SHISA9: variants seen among roughly 807,000 people sequenced by gnomAD.
SHISA9 encodes the protein protein shisa-9.
SHISA9 carries 13 observed loss-of-function variants against 38.0 expected under a neutral mutation model. That is an observed-to-expected ratio of 0.34 (90% CI 0.22 to 0.54). SHISA9 has a LOEUF of 0.54. SHISA9 is among the 20% of genes least tolerant of loss of function. SHISA9 has a pLI of 0.91. For synonymous variants in SHISA9, 275 were observed against 242.0 expected (o/e 1.14, Z -1.27); for missense variants, 538 against 575.8 (o/e 0.93, Z 0.67).
At chr16:13,154,295 A>T (rs1426437254) in intron 2 of SHISA9, among the ~76,000 whole-genome samples, 2 of 152,176 alleles carry the variant, frequency 1.3e-5, no homozygotes, top group Non-Finnish European at 2.9e-5. Flanking sequence ...TCCCAAGCAC[A>T]AGAGAATTTC....
chr16:13,393,350 A>G, the SHISA9 span, among the ~76,000 whole-genome samples: 3 of 152,052 alleles, frequency 2.0e-5, no homozygotes, highest in African/African-American at 4.8e-5. Context: ...GGGCCCCCCA[A>G]AATTGTGTGG....
chr16:13,327,310 A>G, the SHISA9 span, among the ~76,000 whole-genome samples: 1 of 152,070 alleles, frequency 6.6e-6, no homozygotes, highest in East Asian at 1.9e-4. Flanking sequence ...TAGTTAGTAG[A>G]TTAGCAAGCT....
intron 2 of SHISA9, among the ~76,000 whole-genome samples, chr16:12,922,053 C>T (rs1191853561): frequency 1.3e-5 from 2 of 152,198 alleles, no homozygotes; most frequent in East Asian, 3.8e-4. Flanking sequence ...GGGATTTGAA[C>T]TGAGCCAGTC....
chr16:13,469,864 T>C, the SHISA9 span, among the ~76,000 whole-genome samples: 101 of 152,238 alleles, frequency 6.6e-4, 1 homozygote, highest in South Asian at 2.3e-3. Flanking sequence ...GGTGGGAAGT[T>C]TGCTCTTTTC....
chr16:13,443,638 G>GT, the SHISA9 span, among the ~76,000 whole-genome samples: 1 of 152,068 alleles, frequency 6.6e-6, no homozygotes, highest in African/African-American at 2.4e-5. Flanking sequence ...AAGCCCCTAT[G>GT]TTTTTATTTA....
the SHISA9 span, among the ~76,000 whole-genome samples, chr16:13,364,472 A>C: frequency 3.3e-5 from 5 of 152,262 alleles, no homozygotes; most frequent in East Asian, 7.7e-4. Context: ...CTTTCAATGA[A>C]TATGCAAGAT....
chr16:13,056,850 G>A (rs1173629857), intron 2 of SHISA9, among the ~76,000 whole-genome samples: 3 of 152,190 alleles, frequency 2.0e-5, no homozygotes, highest in Non-Finnish European at 2.9e-5. Flanking sequence ...GCCACGAAGC[G>A]TTCATTCTCA....
intron 2 of SHISA9, among the ~76,000 whole-genome samples, chr16:13,179,769 G>C (rs981122107): frequency 5.9e-5 from 9 of 152,240 alleles, no homozygotes; most frequent in African/African-American, 2.2e-4. Context: ...TAAAGGATGA[G>C]ATGGGGCCAT....
chr16:13,008,336 G>A (rs2067655339), intron 2 of SHISA9, among the ~76,000 whole-genome samples: 1 of 152,030 alleles, frequency 6.6e-6, no homozygotes, highest in Non-Finnish European at 1.5e-5. Flanking sequence ...GGGCTTCCTG[G>A]GATCATCTCC....
chr16:13,173,386 AC>A (rs2050704913), intron 2 of SHISA9, among the ~76,000 whole-genome samples: 1 of 149,234 alleles, frequency 6.7e-6, no homozygotes, highest in Admixed American at 6.6e-5. Context: ...GTACACACAC[AC>A]ACACACACAC....
chr16:13,348,902 C>G, the SHISA9 span, among the ~76,000 whole-genome samples: 1 of 152,090 alleles, frequency 6.6e-6, no homozygotes, highest in Non-Finnish European at 1.5e-5. Flanking sequence ...TCTCTTTGCA[C>G]TCTCCATTTG....
chr16:13,222,157 C>T (rs1191048750), intron 4 of SHISA9, among the ~76,000 whole-genome samples: 1 of 152,134 alleles, frequency 6.6e-6, no homozygotes, highest in Non-Finnish European at 1.5e-5. Flanking sequence ...AGGAAAAACC[C>T]ACCCCCATGA....
chr16:13,010,805 A>G (rs2072663489), intron 2 of SHISA9, among the ~76,000 whole-genome samples: 1 of 152,132 alleles, frequency 6.6e-6, no homozygotes, highest in Non-Finnish European at 1.5e-5. Flanking sequence ...TACAAAAATC[A>G]GCCGGGCATG....
intron 2 of SHISA9, among the ~76,000 whole-genome samples, chr16:12,970,425 ATG>A (rs1237750789): frequency 7.8e-5 from 5 of 63,862 alleles, no homozygotes; most frequent in African/African-American, 2.7e-4. Context: ...ATACACATAT[ATG>A]TATATATATA....
intron 1 of SHISA9, among the ~76,000 whole-genome samples, chr16:12,906,128 G>A (rs922344621): frequency 2.6e-5 from 4 of 152,156 alleles, no homozygotes; most frequent in Admixed American, 6.5e-5. Flanking sequence ...ACACAAAGCA[G>A]CTTCCAGGTG....
chr16:13,456,509 C>T, the SHISA9 span, among the ~76,000 whole-genome samples: 1 of 152,202 alleles, frequency 6.6e-6, no homozygotes, highest in East Asian at 1.9e-4. Flanking sequence ...AATGCCACTG[C>T]GTCATGAAGA....
the SHISA9 span, among the ~76,000 whole-genome samples, chr16:13,459,130 A>G: frequency 2.0e-5 from 3 of 152,140 alleles, no homozygotes; most frequent in Non-Finnish European, 4.4e-5. Flanking sequence ...CTGGGATTAC[A>G]GATGTGAGCC....
At chr16:13,377,584 TACAA>T in the SHISA9 span, among the ~76,000 whole-genome samples, 4 of 152,214 alleles carry the variant, frequency 2.6e-5, no homozygotes, top group African/African-American at 9.6e-5. Flanking sequence ...TAATAAAATG[TACAA>T]ACACATACGT....
At chr16:13,323,805 T>C in the SHISA9 span, among the ~76,000 whole-genome samples, 1 of 152,136 alleles carries the variant, frequency 6.6e-6, no homozygotes, top group Non-Finnish European at 1.5e-5. Flanking sequence ...GCCTCCAAGA[T>C]CCAGTCACCT....
Sources: allele counts gnomAD v4.1 joint callset (sites outside exome capture counted in the v4.1 genomes callset), GRCh38; gene constraint gnomAD v4.1.1; transcripts MANE v1.5; gene names NCBI Gene and HGNC (gene_info 2026-07-23, HGNC 2026-07-21).